The following GRIK4 variants were observed in gnomAD, a reference collection of about 807,000 sequenced individuals.
GRIK4 encodes the protein glutamate receptor ionotropic, kainate 4.
In GRIK4, 40 loss-of-function variants were observed where a neutral mutation model predicts 104.9. The observed-to-expected ratio is 0.38, with a 90% confidence interval of 0.30 to 0.50. The LOEUF (loss-of-function observed/expected upper bound fraction) is 0.50, where lower values mean the gene tolerates loss of function less well. Ranked by LOEUF, GRIK4 falls within the 20% of genes least tolerant of loss-of-function variation. The pLI, the probability that GRIK4 is intolerant of heterozygous loss-of-function variation, is 0.93. For synonymous variants in GRIK4, 485 were observed against 524.9 expected, an observed-to-expected ratio of 0.92 and a Z score of 1.04; for missense variants, 1,047 against 1,308.1, an observed-to-expected ratio of 0.80 and a Z score of 3.08.
chr11:120,807,319 G>A lies in GRIK4; in HGVS notation c.247+4462G>A, dbSNP rs933895529. ...TACCATTCAAACAACCTGAGGCTCC[G>A]TCCCAGCTTGAGGTTTAATTTCCTG... On this transcript the variant is annotated intron_variant, in intron 4 of 20. Transcript: ENST00000527524. 2.0e-5 allele frequency among the ~76,000 whole-genome samples: 3 copies of A among 152,124 alleles called. No individual in the cohort carries two copies. In the East Asian group the frequency reaches 5.8e-4, roughly 29 times the overall value.
intron 1 of GRIK4, among the ~76,000 whole-genome samples, chr11:120,529,683 G>C (rs1947902905): frequency 6.6e-6 from 1 of 152,224 alleles, no homozygotes; most frequent in African/African-American, 2.4e-5. Context: ...CTTGACTCCT[G>C]ATAGGGAGTA....
At chr11:120,775,953 C>A (rs1952033535) in intron 3 of GRIK4, among the ~76,000 whole-genome samples, 1 of 152,208 alleles carries the variant, frequency 6.6e-6, no homozygotes, top group African/African-American at 2.4e-5. Context: ...CCTAGAGCCT[C>A]CCCTGGCAGG....
intron 3 of GRIK4, 31 bp from the exon 4 acceptor site, chr11:120,802,662 C>A: frequency 1.3e-6 from 2 of 1,596,100 alleles, no homozygotes; most frequent in Non-Finnish European, 1.7e-6. Flanking sequence ...GGTGGAGTAC[C>A]AATTGTCTCC....
At chr11:120,735,586 C>T (rs1951207744) in intron 3 of GRIK4, among the ~76,000 whole-genome samples, 1 of 152,064 alleles carries the variant, frequency 6.6e-6, no homozygotes, top group African/African-American at 2.4e-5. Flanking sequence ...CTACAATCAG[C>T]AGGTAGCAAA....
At chr11:120,862,323 G>A (rs1954285744) in intron 9 of GRIK4, 3 of 529,676 alleles carry the variant, frequency 5.7e-6, no homozygotes, top group Admixed American at 6.7e-5. Context: ...AGCAGGGAGG[G>A]GGCTGTGTAG....
chr11:120,642,581 G>C (rs1191621831), intron 1 of GRIK4, among the ~76,000 whole-genome samples: 1 of 151,850 alleles, frequency 6.6e-6, no homozygotes, highest in East Asian at 1.9e-4. Flanking sequence ...CTGAACCAAG[G>C]CTTCACTCTT....
At position 120,789,163 on chromosome 11, in the gene GRIK4, G is replaced by A. The variant is rs368842913; in HGVS notation, c.83-13530G>A. On this transcript the variant is annotated intron_variant, in intron 3 of 20. Coordinates refer to ENST00000527524, the MANE Select transcript of GRIK4 (RefSeq NM_014619.5). ...TGACCCTGGGGACTCCCGGGTCTCC[G>A]TGTCTCCAGCCTGGATCATTATCTG... Among the ~76,000 whole-genome samples the A allele has an allele frequency of 2.1e-3, 323 of 152,172 alleles. 2 individuals carry two copies. Among genetic ancestry groups the A allele is most frequent in the African/African-American group, 7.5e-3 (313 of 41,482 alleles).
intron 3 of GRIK4, among the ~76,000 whole-genome samples, chr11:120,797,391 G>A (rs955651862): frequency 6.6e-6 from 1 of 152,210 alleles, no homozygotes; most frequent in Non-Finnish European, 1.5e-5. Flanking sequence ...GGCTATGAGC[G>A]TTCACTGCAC....
chr11:120,589,614 G>A (rs1045237314), intron 1 of GRIK4, among the ~76,000 whole-genome samples: 4 of 152,122 alleles, frequency 2.6e-5, no homozygotes, highest in Non-Finnish European at 5.9e-5. Flanking sequence ...AGCGGCCACC[G>A]TTTGCTCTGG....
chr11:120,731,290 A>G (rs1461094499), intron 3 of GRIK4, among the ~76,000 whole-genome samples: 1 of 151,300 alleles, frequency 6.6e-6, no homozygotes, highest in Non-Finnish European at 1.5e-5. Context: ...AAGGATGTTG[A>G]ATTTTATCAA....
chr11:120,951,348 A>G (rs1339735593), intron 14 of GRIK4, among the ~76,000 whole-genome samples: 1 of 152,186 alleles, frequency 6.6e-6, no homozygotes, highest in Non-Finnish European at 1.5e-5. Context: ...AGCTATTGCT[A>G]CTTGGAGTTT....
At chr11:120,738,830 C>T (rs541016679) in intron 3 of GRIK4, among the ~76,000 whole-genome samples, 1 of 152,338 alleles carries the variant, frequency 6.6e-6, no homozygotes, top group Admixed American at 6.5e-5. Context: ...CTCTGAAGCT[C>T]AGTCACAGCC....
At chr11:120,722,212 A>T (rs1950944854) in intron 3 of GRIK4, among the ~76,000 whole-genome samples, 1 of 152,192 alleles carries the variant, frequency 6.6e-6, no homozygotes, top group African/African-American at 2.4e-5. Flanking sequence ...TAAAATTAAA[A>T]ATTTCTTGTG....
intron 1 of GRIK4, among the ~76,000 whole-genome samples, chr11:120,577,025 G>A (rs926196414): frequency 7.9e-5 from 12 of 152,212 alleles, no homozygotes; most frequent in South Asian, 2.1e-4. Context: ...CATCTTCTCC[G>A]CTGGATATAA....
chr11:120,867,111 A>G (rs1349076277), intron 9 of GRIK4, among the ~76,000 whole-genome samples: 1 of 151,918 alleles, frequency 6.6e-6, no homozygotes, highest in Non-Finnish European at 1.5e-5. Context: ...CCTTCCAGCT[A>G]CTGTCTCTGT....
chr11:120,853,065 CA>C (rs1375594247), intron 8 of GRIK4, among the ~76,000 whole-genome samples: 2 of 152,160 alleles, frequency 1.3e-5, no homozygotes, highest in Admixed American at 6.5e-5. Context: ...GCATTTCTTT[CA>C]AATGGCATCT....
chr11:120,881,258 T>G (rs545668434), intron 11 of GRIK4, among the ~76,000 whole-genome samples: 2 of 152,350 alleles, frequency 1.3e-5, no homozygotes, highest in African/African-American at 4.8e-5. Flanking sequence ...GTTTTCCAAT[T>G]TTTTTATTCA....
At chr11:120,681,789 G>A (rs1950197280) in intron 3 of GRIK4, among the ~76,000 whole-genome samples, 2 of 152,232 alleles carry the variant, frequency 1.3e-5, no homozygotes, top group South Asian at 4.1e-4. Context: ...GGCTGGAGGG[G>A]ACAGAGATGG....
chr11:120,875,386 C>T (rs1954755747), intron 11 of GRIK4, 143 bp downstream of exon 11: 5 of 642,928 alleles, frequency 7.8e-6, no homozygotes, highest in Non-Finnish European at 1.1e-5. Context: ...TGACCTGCAC[C>T]AGCCTCTCCC....
Sources: allele counts gnomAD v4.1 joint callset (sites outside exome capture counted in the v4.1 genomes callset), GRCh38; gene constraint gnomAD v4.1.1; transcripts MANE v1.5; gene names NCBI Gene and HGNC (gene_info 2026-07-23, HGNC 2026-07-21).